The following TMEM222 variants were observed in gnomAD, a reference collection of about 807,000 sequenced individuals.
TMEM222 encodes transmembrane protein 222.
Under a neutral mutation model 25.1 loss-of-function variants are expected in TMEM222, and 18 were observed. The ratio of observed to expected loss-of-function variants is 0.72; its 90% confidence interval spans 0.50 to 1.06. The LOEUF is 1.06. TMEM222 is among the 50% of genes least tolerant of loss of function. The pLI is 0.00. For synonymous variants in TMEM222, 131 were observed against 117.9 expected, an observed-to-expected ratio of 1.11 and a Z score of -0.72; for missense variants, 296 against 293.7, an observed-to-expected ratio of 1.01 and a Z score of -0.06.
intron 3 of TMEM222, 194 bp downstream of exon 3, chr1:27,332,295 G>A: frequency 1.4e-6 from 1 of 707,638 alleles, no homozygotes; most frequent in African/African-American, 1.7e-5. Flanking sequence ...CCTGGCTAGG[G>A]CCTTTACCTG....
At chr1:27,331,160 A>C (rs1413887148) in intron 2 of TMEM222, 2 of 1,135,646 alleles carry the variant, frequency 1.8e-6, no homozygotes, top group Non-Finnish European at 2.2e-6. Flanking sequence ...GTGGGGGGAC[A>C]CGGGAGGCTG....
intron 1 of TMEM222, chr1:27,325,414 C>T (rs1395953058): frequency 2.7e-6 from 3 of 1,125,408 alleles, no homozygotes; most frequent in East Asian, 4.8e-5. Flanking sequence ...CAGGTCATCA[C>T]CATCAGCAAC....
chr1:27,323,249 G>A lies in TMEM222; in HGVS notation c.194+858G>A, dbSNP rs563585867. Among the ~76,000 whole-genome samples, 7 of 152,330 alleles carry A rather than the reference G, an allele frequency of 4.6e-5. No homozygotes were observed. The South Asian group carries it at 1.4e-3, about 32-fold the overall frequency. On this transcript the variant is annotated intron_variant, in intron 1 of 5. Transcript: ENST00000374076. ...ACCCCAATAAGCAAAGGCATGAAGA[G>A]CTCAGTCTTCTGATCTAACTTGCTC... is the stretch of plus-strand genomic sequence containing the variant.
chr1:27,330,510 C>T (rs1465942005), intron 1 of TMEM222, among the ~76,000 whole-genome samples: 1 of 152,178 alleles, frequency 6.6e-6, no homozygotes, highest in South Asian at 2.1e-4. Context: ...TTACAGCCAT[C>T]CTGGCGGGAT....
At chr1:27,334,888 TCA>T in intron 5 of TMEM222, 1 of 978,582 alleles carries the variant, frequency 1.0e-6, no homozygotes, top group African/African-American at 1.7e-5. Context: ...GAATAACTGG[TCA>T]CACAGAGGTT....
At chr1:27,322,485 C>T in intron 1 of TMEM222, 94 bp downstream of exon 1, 1 of 1,232,370 alleles carries the variant, frequency 8.1e-7, no homozygotes, top group Non-Finnish European at 1.1e-6. Context: ...GCGCAGCAAG[C>T]CTTTTCCTCG....
chr1:27,327,949 G>A (rs1256254684), intron 1 of TMEM222, among the ~76,000 whole-genome samples: 1 of 152,216 alleles, frequency 6.6e-6, no homozygotes, highest in African/African-American at 2.4e-5. Context: ...TCATTATTTA[G>A]TCAACAAATA....
rs985189682 is a variant in TMEM222, at chr1:27,335,718, C to A, written c.*252C>A. 2 of 550,810 alleles carry A rather than the reference C, an allele frequency of 3.6e-6. No homozygotes were observed. Among genetic ancestry groups the A allele is most frequent in the Non-Finnish European group, 6.5e-6 (2 of 306,016 alleles). 34.1% of individuals were successfully genotyped at this position (550,810 alleles called of 1,614,324 possible). ...CTCCGGCCCTGGAAGCCCCTTTGTT[C>A]TTCTGTTGAAAGGCTTTGGCTTCCC... On this transcript the variant is annotated 3_prime_UTR_variant, in exon 6 of 6. Transcript: ENST00000374076.
chr1:27,324,542 T>C (rs2014293365), intron 1 of TMEM222, among the ~76,000 whole-genome samples: 1 of 152,206 alleles, frequency 6.6e-6, no homozygotes, highest in African/African-American at 2.4e-5. Context: ...TATTCAGATC[T>C]GTGTACAGGT....
At chr1:27,327,608 C>G (rs937531423) in intron 1 of TMEM222, among the ~76,000 whole-genome samples, 6 of 152,176 alleles carry the variant, frequency 3.9e-5, no homozygotes, top group African/African-American at 1.4e-4. Context: ...AGGCTGGTCT[C>G]GAACTCCTGA....
chr1:27,323,697 C>T (rs752206870), intron 1 of TMEM222, among the ~76,000 whole-genome samples: 5 of 152,128 alleles, frequency 3.3e-5, no homozygotes, highest in African/African-American at 1.2e-4. Flanking sequence ...CGCCTCAACC[C>T]GGGAAGTGGA....
At chr1:27,333,220 C>T in intron 3 of TMEM222, 2 of 422,230 alleles carry the variant, frequency 4.7e-6, no homozygotes, top group Admixed American at 5.1e-5. Flanking sequence ...CTGCATCCTC[C>T]AGGAGGGCTC....
intron 3 of TMEM222, 114 bp from the exon 4 acceptor site, chr1:27,333,844 G>A: frequency 1.1e-6 from 1 of 872,592 alleles, no homozygotes; most frequent in Non-Finnish European, 1.8e-6. Flanking sequence ...CTGGCTTACT[G>A]TACATCTCAG....
intron 1 of TMEM222, chr1:27,325,217 T>C (rs1557521229): frequency 2.4e-6 from 1 of 415,292 alleles, no homozygotes; most frequent in Non-Finnish European, 4.6e-6. Context: ...AAAACCAGTT[T>C]AGTGCTCGCC....
rs1571013621 is a variant in TMEM222, at chr1:27,333,512, T to A, written c.312-446T>A. The A allele has an allele frequency of 8.7e-6, 4 of 457,676 alleles. 1 individual carries two copies. Among genetic ancestry groups the A allele is most frequent in the South Asian group, 4.7e-5 (3 of 64,404 alleles). 28.4% of individuals were successfully genotyped at this position (457,676 alleles called of 1,614,324 possible). A position where few individuals can be genotyped will look rare whatever the true frequency, so the allele number is the denominator to read the frequency against. ...GTCCTGGGTGCGGGTGCTGGTAGAG[T>A]CAGTGTCTGGTGAGGGCCTGAGGTG... On this transcript the variant is annotated intron_variant, in intron 3 of 5. Transcript: ENST00000374076.
chr1:27,332,331 T>C, intron 3 of TMEM222: 1 of 710,240 alleles, frequency 1.4e-6, no homozygotes, highest in Non-Finnish European at 2.6e-6. Flanking sequence ...TTGCCACAGC[T>C]CTTCAGGTTT....
intron 1 of TMEM222, among the ~76,000 whole-genome samples, chr1:27,323,877 G>C (rs1467581394): frequency 6.6e-6 from 1 of 152,212 alleles, no homozygotes; most frequent in Non-Finnish European, 1.5e-5. Flanking sequence ...GATAGTTCTA[G>C]GTGATGCGAA....
At position 27,330,760 on chromosome 1, in the gene TMEM222, T is replaced by TC. The variant is rs771074480; in HGVS notation, c.237dup (p.Thr80HisfsTer37). 6.2e-7 allele frequency: 1 copy of TC among 1,614,160 alleles called. No individual in the cohort carries two copies. The highest frequency in any genetic ancestry group is 1.3e-5 in the African/African-American group (1 of 75,026). On this transcript the variant is annotated frameshift_variant, in exon 2 of 6. Transcript: ENST00000374076. LOFTEE classifies it high-confidence loss of function. ...CATCGGCCACATGGGCATCTGCACATCCACAGGAGTCATTCGGGACTTCGC... is the reference window on the plus strand; with the variant it reads ...CATCGGCCACATGGGCATCTGCACATCCCACAGGAGTCATTCGGGACTTCGC...
At chr1:27,326,377 C>A (rs968769916) in intron 1 of TMEM222, among the ~76,000 whole-genome samples, 7 of 152,004 alleles carry the variant, frequency 4.6e-5, no homozygotes, top group African/African-American at 1.7e-4. Flanking sequence ...TGTATTCATC[C>A]TTTTAATTTA....
Sources: gnomAD v4.1 joint callset for allele counts (sites outside exome capture counted in the v4.1 genomes callset) on GRCh38, gnomAD v4.1.1 for gene constraint, MANE v1.5 for transcripts, NCBI Gene and HGNC (gene_info 2026-07-23, HGNC 2026-07-21) for gene names.